The following MGAT4C variants were observed in gnomAD, a reference collection of about 807,000 sequenced individuals.
The protein encoded by MGAT4C is MGAT4 family member C.
A neutral mutation model predicts 40.1 loss-of-function variants in MGAT4C; 19 were observed. The observed-to-expected ratio is 0.47, with a 90% confidence interval of 0.33 to 0.70. The LOEUF (loss-of-function observed/expected upper bound fraction) is 0.70, where lower values mean the gene tolerates loss of function less well. Ranked by LOEUF, MGAT4C falls within the 30% of genes least tolerant of loss-of-function variation. The pLI is 0.02. For synonymous variants in MGAT4C, 181 were observed against 187.1 expected (o/e 0.97, Z 0.27); for missense variants, 491 against 563.2 (o/e 0.87, Z 1.30).
intron 1 of MGAT4C, among the ~76,000 whole-genome samples, chr12:86,753,083 T>C (rs1951249505): frequency 1.3e-5 from 2 of 152,184 alleles, no homozygotes; most frequent in South Asian, 4.1e-4. Flanking sequence ...TCGTGACCTA[T>C]AAAAAACAAT....
At chr12:86,544,022 T>A (rs1470183483) in intron 2 of MGAT4C, among the ~76,000 whole-genome samples, 3 of 152,132 alleles carry the variant, frequency 2.0e-5, no homozygotes, top group African/African-American at 7.2e-5. Context: ...TTCAGCTAGA[T>A]AGTGAGCCCC....
At chr12:86,288,811 G>A (rs1953425399) in intron 4 of MGAT4C, among the ~76,000 whole-genome samples, 1 of 151,978 alleles carries the variant, frequency 6.6e-6, no homozygotes, top group Admixed American at 6.6e-5. Flanking sequence ...CCAGATATTA[G>A]ACCTTTGTTG....
At chr12:86,818,805 CAATAAT>C (rs1282141779) in intron 1 of MGAT4C, among the ~76,000 whole-genome samples, 2 of 150,956 alleles carry the variant, frequency 1.3e-5, no homozygotes, top group East Asian at 1.9e-4. Context: ...TCTTAGAACT[CAATAAT>C]AAGAATAACA....
rs1882790065 is a variant in MGAT4C, at chr12:85,956,303, G to GA, written c.*22985dup. 6.6e-6 allele frequency: 1 copy of GA among 152,160 alleles called. No individual in the cohort carries two copies. Among genetic ancestry groups the GA allele is most frequent in the African/African-American group, 2.4e-5 (1 of 41,456 alleles). 9.4% of individuals were successfully genotyped at this position (152,160 alleles called of 1,614,324 possible). On this transcript the variant is annotated 3_prime_UTR_variant, in exon 5 of 5. Coordinates refer to ENST00000611864, the MANE Select transcript of MGAT4C (RefSeq NM_001351288.2). ...CCATCTGTGACACTGGCAGAAAACTGAAAGTGTTGATTTATTTATTACTTG... is the reference window on the plus strand; with the variant it reads ...CCATCTGTGACACTGGCAGAAAACTGAAAAGTGTTGATTTATTTATTACTTG...
intron 2 of MGAT4C, among the ~76,000 whole-genome samples, chr12:86,614,173 G>C (rs893581138): frequency 2.0e-5 from 3 of 152,114 alleles, no homozygotes; most frequent in Non-Finnish European, 4.4e-5. Flanking sequence ...TAGAAGTCAG[G>C]CAATAACTTC....
At chr12:86,057,972 G>A (rs1385909831) in intron 1 of MGAT4C, among the ~76,000 whole-genome samples, 1 of 152,056 alleles carries the variant, frequency 6.6e-6, no homozygotes, top group Non-Finnish European at 1.5e-5. Context: ...TTACTTAAAT[G>A]TAAAGGCTTT....
chr12:86,727,870 T>TAA (rs1950848676), intron 1 of MGAT4C, among the ~76,000 whole-genome samples: 1 of 152,016 alleles, frequency 6.6e-6, no homozygotes, highest in Non-Finnish European at 1.5e-5. Flanking sequence ...TACACAAAAG[T>TAA]AGTGATATGA....
chr12:86,499,531 C>G (rs1958298928), intron 2 of MGAT4C, among the ~76,000 whole-genome samples: 1 of 151,724 alleles, frequency 6.6e-6, no homozygotes, highest in Non-Finnish European at 1.5e-5. Context: ...TGGAATCACT[C>G]TCAATCGTCT....
intron 2 of MGAT4C, among the ~76,000 whole-genome samples, chr12:86,514,058 C>G (rs1257957361): frequency 7.1e-6 from 1 of 140,336 alleles, no homozygotes; most frequent in Non-Finnish European, 1.5e-5. Flanking sequence ...TTGAATGAAG[C>G]CATGCACCAA....
At chr12:86,724,823 G>C (rs1484592837) in intron 2 of MGAT4C, among the ~76,000 whole-genome samples, 1 of 152,032 alleles carries the variant, frequency 6.6e-6, no homozygotes. Flanking sequence ...CAACATTACT[G>C]CACCCAAAGC....
intron 1 of MGAT4C, among the ~76,000 whole-genome samples, chr12:86,813,812 A>G (rs1952526097): frequency 6.6e-6 from 1 of 152,130 alleles, no homozygotes; most frequent in African/African-American, 2.4e-5. Context: ...CATAAAATGT[A>G]TTTCTCCATT....
At chr12:86,159,204 T>G (rs1219419108) in intron 1 of MGAT4C, among the ~76,000 whole-genome samples, 1 of 152,028 alleles carries the variant, frequency 6.6e-6, no homozygotes, top group East Asian at 1.9e-4. Context: ...TGAGGTATGT[T>G]CCTTTGATGC....
At chr12:86,645,762 CTTG>C (rs1437495850) in intron 2 of MGAT4C, among the ~76,000 whole-genome samples, 1 of 151,592 alleles carries the variant, frequency 6.6e-6, no homozygotes, top group Admixed American at 6.6e-5. Context: ...GCCTTTTACC[CTTG>C]TTTTCAAAAG....
chr12:86,815,350 C>A (rs1952580904), intron 1 of MGAT4C, among the ~76,000 whole-genome samples: 1 of 151,830 alleles, frequency 6.6e-6, no homozygotes, highest in Non-Finnish European at 1.5e-5. Flanking sequence ...AAACAGTAGA[C>A]AGTGGCATGG....
chr12:86,485,775 A>T (rs1195453175), intron 2 of MGAT4C, among the ~76,000 whole-genome samples: 1 of 152,138 alleles, frequency 6.6e-6, no homozygotes, highest in African/African-American at 2.4e-5. Context: ...ACACATAATC[A>T]TCATATTCAC....
chr12:86,549,198 T>C (rs1328224351), intron 2 of MGAT4C, among the ~76,000 whole-genome samples: 1 of 152,140 alleles, frequency 6.6e-6, no homozygotes, highest in Non-Finnish European at 1.5e-5. Flanking sequence ...ATATTAAGAG[T>C]ACTATCATAA....
chr12:86,480,739 CTCTT>C (rs1323816126), intron 2 of MGAT4C, among the ~76,000 whole-genome samples: 4 of 151,682 alleles, frequency 2.6e-5, no homozygotes, highest in South Asian at 2.1e-4. Context: ...ATTGCTGTAA[CTCTT>C]TATTTCTCCA....
At chr12:86,703,992 T>A (rs769098747) in intron 2 of MGAT4C, among the ~76,000 whole-genome samples, 34 of 152,272 alleles carry the variant, frequency 2.2e-4, no homozygotes, top group Non-Finnish European at 4.0e-4. Context: ...CACAACTGTT[T>A]TAGACCACAA....
chr12:86,444,834 A>G (rs1565767748), intron 2 of MGAT4C, among the ~76,000 whole-genome samples: 1 of 152,210 alleles, frequency 6.6e-6, no homozygotes, highest in South Asian at 2.1e-4. Flanking sequence ...GAAACTCTAT[A>G]CCTCTTAAAC....
Sources: allele counts gnomAD v4.1 joint callset (sites outside exome capture counted in the v4.1 genomes callset), GRCh38; gene constraint gnomAD v4.1.1; transcripts MANE v1.5; gene names NCBI Gene and HGNC (gene_info 2026-07-23, HGNC 2026-07-21).